AMPH: variants seen among roughly 807,000 people sequenced by gnomAD.
AMPH encodes the protein amphiphysin.
Under a neutral mutation model 99.1 loss-of-function variants are expected in AMPH, and 49 were observed. The ratio of observed to expected loss-of-function variants is 0.49; its 90% CI spans 0.39 to 0.63. AMPH has a LOEUF of 0.63. Among genes scored for constraint, AMPH ranks in the 20% least tolerant of loss-of-function variants. The pLI is 0.00. For synonymous variants in AMPH, 314 were observed against 317.3 expected (o/e 0.99, Z 0.11); for missense variants, 759 against 863.4 (o/e 0.88, Z 1.52).
At chr7:38,468,701 T>C (rs1168238209) in intron 7 of AMPH, among the ~76,000 whole-genome samples, 1 of 152,198 alleles carries the variant, frequency 6.6e-6, no homozygotes, top group African/African-American at 2.4e-5. Flanking sequence ...TAGTTCACTA[T>C]TACAGCCCTA....
rs767959799 is a variant in AMPH, at chr7:38,384,596, C to T, written c.*222G>A. The T allele has an allele frequency of 4.4e-6, 2 of 452,796 alleles. No individual in the cohort carries two copies. The highest frequency in any genetic ancestry group is 4.1e-6 in the Non-Finnish European group (1 of 246,606). The allele number at this position is 452,796 out of a possible 1,614,324, so 28.0% of individuals were successfully genotyped here. A position where few individuals can be genotyped will look rare whatever the true frequency, so the allele number is the denominator to read the frequency against. On this transcript the variant is annotated 3_prime_UTR_variant, in exon 21 of 21. Coordinates refer to ENST00000356264, the MANE Select transcript of AMPH (RefSeq NM_001635.4). ...ACAGCTTGGACAAAGCACAAACAAA[C>T]CTGTTATTGACAACATGGGAATGAG...
chr7:38,435,302 T>A (rs976484970), intron 12 of AMPH, among the ~76,000 whole-genome samples: 5 of 152,222 alleles, frequency 3.3e-5, no homozygotes, highest in Admixed American at 1.3e-4. Context: ...GACATAATCC[T>A]TATTTATTAA....
At chr7:38,537,752 C>T (rs531793898) in intron 1 of AMPH, among the ~76,000 whole-genome samples, 143 of 152,180 alleles carry the variant, frequency 9.4e-4, no homozygotes, top group Non-Finnish European at 1.5e-3. Flanking sequence ...ACTAACAAAA[C>T]TTAACAGCTA....
At chr7:38,414,023 C>G (rs368541080) in intron 17 of AMPH, among the ~76,000 whole-genome samples, 1 of 152,254 alleles carries the variant, frequency 6.6e-6, no homozygotes, top group Non-Finnish European at 1.5e-5. Flanking sequence ...GGAGCCATAT[C>G]TATTTACCAC....
At chr7:38,525,019 T>C (rs906374340) in intron 2 of AMPH, among the ~76,000 whole-genome samples, 1 of 152,184 alleles carries the variant, frequency 6.6e-6, no homozygotes, top group Non-Finnish European at 1.5e-5. Flanking sequence ...GTGTTTGTTC[T>C]GACAGAGGCA....
chr7:38,560,035 C>T (rs1024293919), intron 1 of AMPH, among the ~76,000 whole-genome samples: 7 of 152,206 alleles, frequency 4.6e-5, no homozygotes, highest in African/African-American at 1.7e-4. Flanking sequence ...TACAAAAAGG[C>T]CCACAAAATC....
At chr7:38,425,390 T>A (rs1192219009) in intron 15 of AMPH, among the ~76,000 whole-genome samples, 1 of 152,218 alleles carries the variant, frequency 6.6e-6, no homozygotes, top group Non-Finnish European at 1.5e-5. Context: ...GAGATTTGTA[T>A]AACTATAGAG....
At chr7:38,443,840 T>C (rs1200262884) in intron 11 of AMPH, among the ~76,000 whole-genome samples, 2 of 151,672 alleles carry the variant, frequency 1.3e-5, no homozygotes, top group Non-Finnish European at 2.9e-5. Context: ...GGTACAAGAA[T>C]GAAATAAGGT....
intron 2 of AMPH, among the ~76,000 whole-genome samples, chr7:38,534,491 G>A (rs1790525956): frequency 6.6e-6 from 1 of 152,028 alleles, no homozygotes; most frequent in South Asian, 2.1e-4. Context: ...TGGGCAACAT[G>A]GCAAAACCCC....
Position 38,565,049 on chromosome 7 carries a change from G to A in AMPH, c.70-30038C>T, listed in dbSNP as rs527579746. Among the ~76,000 whole-genome samples, 436 of 151,526 alleles carry A rather than the reference G, an allele frequency of 2.9e-3. 2 individuals are homozygous for A. The highest frequency in any genetic ancestry group is 6.8e-3 in the Middle Eastern group (2 of 292). Reference sequence around the variant, plus strand: ...TGAGGCAGGAGAATGGCGTGAACCCGGGAGGCAGAGTTTGCAGTGAGCCGA... The same window carrying A: ...TGAGGCAGGAGAATGGCGTGAACCCAGGAGGCAGAGTTTGCAGTGAGCCGA... On this transcript the variant is annotated intron_variant, in intron 1 of 20. Transcript: ENST00000356264.
intron 11 of AMPH, among the ~76,000 whole-genome samples, chr7:38,439,603 T>G (rs1786424199): frequency 6.6e-6 from 1 of 152,180 alleles, no homozygotes; most frequent in Non-Finnish European, 1.5e-5. Context: ...TCATCACAAT[T>G]AGAGTACACA....
At chr7:38,593,397 C>CCAGCATGCTAACGCCAAGAGCTT in intron 1 of AMPH, among the ~76,000 whole-genome samples, 1 of 152,158 alleles carries the variant, frequency 6.6e-6, no homozygotes, top group Non-Finnish European at 1.5e-5. Context: ...ACCAAATGTA[C>CCAGCATGCTAACGCCAAGAGCTT]GTTTCAAGGG....
At chr7:38,529,050 C>T (rs895973901) in intron 2 of AMPH, among the ~76,000 whole-genome samples, 1 of 152,114 alleles carries the variant, frequency 6.6e-6, no homozygotes, top group Non-Finnish European at 1.5e-5. Context: ...CATGAAACTC[C>T]TTCTCATTAA....
At chr7:38,577,321 A>ACTCCCAT (rs1792281888) in intron 1 of AMPH, among the ~76,000 whole-genome samples, 4 of 152,316 alleles carry the variant, frequency 2.6e-5, no homozygotes, top group African/African-American at 9.6e-5. Flanking sequence ...CCTAGGCTGT[A>ACTCCCAT]GTTCCAGCCC....
intron 2 of AMPH, among the ~76,000 whole-genome samples, chr7:38,509,520 T>C (rs1789457767): frequency 6.6e-6 from 1 of 152,228 alleles, no homozygotes; most frequent in Non-Finnish European, 1.5e-5. Flanking sequence ...AGATCTCCAT[T>C]CGGATCTTCT....
intron 1 of AMPH, among the ~76,000 whole-genome samples, chr7:38,597,447 A>G (rs1188827211): frequency 2.0e-5 from 3 of 152,184 alleles, no homozygotes; most frequent in Non-Finnish European, 4.4e-5. Context: ...CTAGGACTTC[A>G]AGGTAAAACA....
intron 1 of AMPH, among the ~76,000 whole-genome samples, chr7:38,581,341 G>A (rs767447626): frequency 2.0e-5 from 3 of 152,098 alleles, no homozygotes; most frequent in Admixed American, 6.5e-5. Flanking sequence ...ATCTAAGGTC[G>A]ACAACAGAGT....
chr7:38,492,621 G>A (rs1305490521), intron 4 of AMPH, among the ~76,000 whole-genome samples: 1 of 152,162 alleles, frequency 6.6e-6, no homozygotes, highest in Non-Finnish European at 1.5e-5. Context: ...AACTGCTGAC[G>A]TGAGTAGACC....
chr7:38,571,282 T>TATATATGAAA (rs1791998729), intron 1 of AMPH, among the ~76,000 whole-genome samples: 1 of 41,116 alleles, frequency 2.4e-5, no homozygotes, highest in Non-Finnish European at 4.1e-5. Flanking sequence ...TATATATTTT[T>TATATATGAAA]ATATATATTT....
Sources: allele counts gnomAD v4.1 joint callset (sites outside exome capture counted in the v4.1 genomes callset), GRCh38; gene constraint gnomAD v4.1.1; transcripts MANE v1.5; gene names NCBI Gene and HGNC (gene_info 2026-07-23, HGNC 2026-07-21).